Variants in WDR20 observed in about 807,000 individuals in gnomAD.
The protein encoded by WDR20 is WD repeat domain 20.
WDR20 carries 3 observed loss-of-function variants against 38.7 expected under a neutral mutation model. The observed-to-expected ratio is 0.08, with a 90% CI of 0.04 to 0.20. The LOEUF is 0.20. WDR20 is among the 10% of genes least tolerant of loss of function. The pLI, the probability that WDR20 is intolerant of heterozygous loss-of-function variation, is 1.00. For synonymous variants in WDR20, 298 were observed against 285.6 expected (o/e 1.04, Z -0.44); for missense variants, 559 against 727.7 (o/e 0.77, Z 2.67).
In WDR20 at chr14:102,220,640, A is replaced by ACC. The variant is rs2063774072; in HGVS notation, c.1693-2190_1693-2189insCC. Among the ~76,000 whole-genome samples, 6 of 150,950 alleles carry ACC rather than the reference A, an allele frequency of 4.0e-5. No homozygotes were observed. Among genetic ancestry groups the ACC allele is most frequent in the African/African-American group, 1.5e-4 (6 of 41,038 alleles). On this transcript the variant is annotated intron_variant, in intron 3 of 3. Transcript: ENST00000335263. The surrounding 1 kb of genome is among the most constrained non-coding windows in gnomAD (Gnocchi z 4.2). ...GAGGCTGAGGCAGGAGAATCACTTG[A>ACC]ACCCAGGAGGTGGAGCTTGCAGTGA... is the stretch of plus-strand genomic sequence containing the variant.
At chr14:102,143,554 T>C (rs2052302347) in intron 1 of WDR20, among the ~76,000 whole-genome samples, 1 of 152,020 alleles carries the variant, frequency 6.6e-6, no homozygotes, top group Admixed American at 6.5e-5. Flanking sequence ...ACATCTTTTT[T>C]TTTTTTTTGA....
intron 1 of WDR20, among the ~76,000 whole-genome samples, chr14:102,147,705 A>G (rs1222467055): frequency 6.6e-6 from 1 of 151,552 alleles, no homozygotes; most frequent in Non-Finnish European, 1.5e-5. Context: ...CTGTATGGCT[A>G]AAGAACCTTG....
intron 1 of WDR20, among the ~76,000 whole-genome samples, chr14:102,171,941 T>G (rs941984323): frequency 1.3e-5 from 2 of 151,350 alleles, no homozygotes; most frequent in Non-Finnish European, 3.0e-5. Context: ...TTATTGATCA[T>G]TCTTGGGTGT....
chr14:102,201,383 AAG>A (rs1257978977), intron 2 of WDR20, among the ~76,000 whole-genome samples: 2 of 152,236 alleles, frequency 1.3e-5, no homozygotes, highest in Non-Finnish European at 2.9e-5. Flanking sequence ...AAAAAAGAAA[AAG>A]AAAATGAAGT....
At chr14:102,189,955 G>T (rs1433248650) in intron 1 of WDR20, among the ~76,000 whole-genome samples, 1 of 152,206 alleles carries the variant, frequency 6.6e-6, no homozygotes, top group East Asian at 1.9e-4. Flanking sequence ...GCTGTGGGCG[G>T]TGGGACGTGA....
intron 1 of WDR20, among the ~76,000 whole-genome samples, chr14:102,165,616 GTTTC>G (rs1400750600): frequency 6.9e-6 from 1 of 144,092 alleles, no homozygotes; most frequent in Non-Finnish European, 1.5e-5. Context: ...CTAATTTTTT[GTTTC>G]TTTTTCTTTT....
In WDR20 at chr14:102,222,503, C is replaced by T. The variant is rs1352425336; in HGVS notation, c.1693-327C>T. Among the ~76,000 whole-genome samples, 1 of 152,230 alleles carries T rather than the reference C, an allele frequency of 6.6e-6. No individual in the cohort carries two copies. The highest frequency in any genetic ancestry group is 1.5e-5 in the Non-Finnish European group (1 of 68,044). ...GAACACCTCCCACGAGGCACCTGCA[C>T]CTTTGGGTCAGCAAAGCTCCAAAGA... On this transcript the variant is annotated intron_variant, in intron 3 of 3. Transcript: ENST00000335263. The surrounding 1 kb of genome is among the most constrained non-coding windows in gnomAD (Gnocchi z 4.4).
At chr14:102,163,328 T>G (rs1215588811) in intron 1 of WDR20, among the ~76,000 whole-genome samples, 1 of 152,054 alleles carries the variant, frequency 6.6e-6, no homozygotes. Context: ...ATAAACTTGT[T>G]TATAAATTAC....
In WDR20 at chr14:102,172,599, A is replaced by G. The variant is rs1292448894; in HGVS notation, c.250-22339A>G. Among the ~76,000 whole-genome samples the G allele has an allele frequency of 4.3e-5, 6 of 140,976 alleles. 2 individuals carry two copies. The highest frequency in any genetic ancestry group is 1.4e-4 in the Admixed American group (2 of 14,406). The allele number at this position is 140,976 out of a possible 152,430, so 92.5% of individuals were successfully genotyped here. ...CGGGCAGAGGGGCTCCTCACTTCCC[A>G]GTAGGGGCGGCCTGGCAGAGGCGCC... On this transcript the variant is annotated intron_variant, in intron 1 of 2. Coordinates refer to ENST00000342702, the MANE Select transcript of WDR20 (RefSeq NM_144574.4).
intron 1 of WDR20, among the ~76,000 whole-genome samples, chr14:102,178,309 T>C (rs1021671810): frequency 6.6e-6 from 1 of 151,954 alleles, no homozygotes; most frequent in African/African-American, 2.4e-5. Flanking sequence ...GGAGAATTGC[T>C]TGAACCCCAG....
chr14:102,139,783 C>T (rs2152632769), upstream of WDR20: 1 of 1,303,786 alleles, frequency 7.7e-7, no homozygotes, highest in Non-Finnish European at 1.1e-6. Context: ...TCCCTTTGGC[C>T]CGCCCTCGCA....
chr14:102,185,565 T>C (rs1390735260), intron 1 of WDR20, among the ~76,000 whole-genome samples: 1 of 152,144 alleles, frequency 6.6e-6, no homozygotes, highest in Non-Finnish European at 1.5e-5. Context: ...GCTGATTCTA[T>C]TTTCTTGTTT....
At chr14:102,206,414 T>C (rs562760105) in intron 2 of WDR20, among the ~76,000 whole-genome samples, 48 of 152,368 alleles carry the variant, frequency 3.2e-4, no homozygotes, top group African/African-American at 1.0e-3. Flanking sequence ...TGTTTTTACT[T>C]GATCATACTA....
intron 1 of WDR20, chr14:102,171,401 C>A (rs554558950): frequency 6.6e-6 from 1 of 151,344 alleles, no homozygotes; most frequent in South Asian, 2.1e-4. Context: ...GTAGCTGGGA[C>A]TACAGGCATG....
chr14:102,173,960 T>TCAAC (rs2061529158), intron 1 of WDR20, among the ~76,000 whole-genome samples: 1 of 149,840 alleles, frequency 6.7e-6, no homozygotes, highest in Non-Finnish European at 1.5e-5. Flanking sequence ...AGGAGAATGG[T>TCAAC]GTGAACCCGG....
chr14:102,162,891 C>T (rs1312275292), intron 1 of WDR20, among the ~76,000 whole-genome samples: 4 of 152,150 alleles, frequency 2.6e-5, no homozygotes, highest in Non-Finnish European at 4.4e-5. Flanking sequence ...GGATTACAGG[C>T]GTGAGCCACC....
At chr14:102,211,978 G>T (rs1264640186), downstream of WDR20, among the ~76,000 whole-genome samples, 1 of 152,150 alleles carries the variant, frequency 6.6e-6, no homozygotes, top group African/African-American at 2.4e-5. The surrounding 1 kb of genome is among the most constrained non-coding windows in gnomAD (Gnocchi z 4.2). Flanking sequence ...ACCGACTGGG[G>T]ACTCTCTGAT....
chr14:102,223,187 T>C lies in WDR20; in HGVS notation c.*304T>C, dbSNP rs556301360. On this transcript the variant is annotated 3_prime_UTR_variant, in exon 4 of 4. Coordinates refer to the WDR20 transcript ENST00000335263. ...TTCATATATATATAATATATACATA[T>C]ATACATAGTGTAAAATAAAATGTTT... is the stretch of plus-strand genomic sequence containing the variant. The C allele has an allele frequency of 4.7e-5, 8 of 168,438 alleles. No homozygotes were observed. In the East Asian group the frequency reaches 1.3e-3, roughly 27 times the overall value. 10.4% of individuals were successfully genotyped at this position (168,438 alleles called of 1,614,324 possible).
At position 102,171,253 on chromosome 14, in the gene WDR20, C is replaced by T. The variant is rs1177889469; in HGVS notation, c.250-23685C>T. The T allele has an allele frequency of 4.1e-5, 5 of 121,500 alleles. 1 individual carries two copies. The highest frequency in any genetic ancestry group is 5.8e-4 in the South Asian group (2 of 3,462). The allele number at this position is 121,500 out of a possible 1,614,324, so 7.5% of individuals were successfully genotyped here. A position where few individuals can be genotyped will look rare whatever the true frequency, so the allele number is the denominator to read the frequency against. The stretch of plus-strand genomic sequence containing the variant: ...GTGCAAGCCACTGCGCCTGGCCTCT[C>T]TCTTTTTTTTTTTTTTTTTTTTTTT... On this transcript the variant is annotated intron_variant, in intron 1 of 2. Transcript: ENST00000342702.
Sources: gnomAD v4.1 joint callset for allele counts (sites outside exome capture counted in the v4.1 genomes callset) on GRCh38, gnomAD v4.1.1 for gene constraint, Gnocchi (gnomAD v3.1) non-coding constraint, MANE v1.5 for transcripts, NCBI Gene and HGNC (gene_info 2026-07-23, HGNC 2026-07-21) for gene names.